The following NCOR2 variants were observed in gnomAD, a reference collection of about 807,000 sequenced individuals.
NCOR2 encodes the protein nuclear receptor corepressor 2, also known as CTG repeat protein 26.
NCOR2 carries 81 observed loss-of-function variants against 262.9 expected under a neutral mutation model. The ratio of observed to expected loss-of-function variants is 0.31; its 90% CI spans 0.26 to 0.37. NCOR2 has a LOEUF of 0.37. NCOR2 is among the 10% of genes least tolerant of loss of function. The probability of loss-of-function intolerance (pLI) is 1.00; values close to 1 mark genes in which losing one functional copy is unlikely to be tolerated. For missense variants in NCOR2, 3,385 were observed against 3,621.4 expected, an observed-to-expected ratio of 0.93 and a Z score of 1.68; for synonymous variants, 1,659 against 1,559.3, an observed-to-expected ratio of 1.06 and a Z score of -1.51.
intron 17 of NCOR2, among the ~76,000 whole-genome samples, chr12:124,382,537 G>A (rs1039976379): frequency 2.6e-5 from 4 of 152,200 alleles, no homozygotes; most frequent in East Asian, 1.9e-4. Context: ...TGTGTCATTC[G>A]GATCAGAATC....
chr12:124,391,399 A>G (rs2041294504), intron 16 of NCOR2, among the ~76,000 whole-genome samples: 1 of 151,996 alleles, frequency 6.6e-6, no homozygotes, highest in African/African-American at 2.4e-5. Flanking sequence ...CGAGAAACTC[A>G]GCATGCTCTG....
At chr12:124,487,796 G>A (rs2047857122) in intron 1 of NCOR2, among the ~76,000 whole-genome samples, 1 of 151,414 alleles carries the variant, frequency 6.6e-6, no homozygotes, top group Admixed American at 6.6e-5. Context: ...ATCATAGGGG[G>A]TAAAACTCAA....
chr12:124,565,136 C>T (rs2052193958), intron 1 of NCOR2, among the ~76,000 whole-genome samples: 1 of 152,174 alleles, frequency 6.6e-6, no homozygotes, highest in Non-Finnish European at 1.5e-5. Context: ...CTCCATCCCT[C>T]ACCAGGGCCT....
At chr12:124,550,285 G>A (rs201886759) in intron 1 of NCOR2, among the ~76,000 whole-genome samples, 2 of 152,288 alleles carry the variant, frequency 1.3e-5, no homozygotes, top group East Asian at 3.9e-4. Flanking sequence ...TCAAGAAGAC[G>A]AGGTCACAGG....
chr12:124,529,198 A>C (rs868299977), intron 1 of NCOR2, among the ~76,000 whole-genome samples: 2 of 146,378 alleles, frequency 1.4e-5, no homozygotes, highest in African/African-American at 5.3e-5. Flanking sequence ...AAAAAAAAAA[A>C]AAAACACTCA....
At chr12:124,339,438 A>G (rs922444041) in intron 37 of NCOR2, among the ~76,000 whole-genome samples, 10 of 140,978 alleles carry the variant, frequency 7.1e-5, no homozygotes, top group African/African-American at 2.7e-4. Flanking sequence ...TTGGCCATCT[A>G]TCCTTTTGCC....
chr12:124,398,090 A>G, intron 16 of NCOR2, 29 bp downstream of exon 18: 2 of 1,613,774 alleles, frequency 1.2e-6, no homozygotes, highest in Non-Finnish European at 1.7e-6. Flanking sequence ...GCAAACCAAC[A>G]AGGCTTAAAG....
chr12:124,520,501 AC>A, intron 1 of NCOR2, among the ~76,000 whole-genome samples: 2 of 151,152 alleles, frequency 1.3e-5, no homozygotes, highest in Middle Eastern at 6.8e-3. Context: ...AACTCCTCCC[AC>A]CCCCTCAGAG....
intron 3 of NCOR2, among the ~76,000 whole-genome samples, chr12:124,474,945 C>T (rs2047022059): frequency 6.6e-6 from 1 of 152,092 alleles, no homozygotes; most frequent in Non-Finnish European, 1.5e-5. Flanking sequence ...ACAACTGCAG[C>T]CCGGGGGCCA....
chr12:124,335,258 C>A (rs2035779160), exon 40 of NCOR2: 1 of 1,605,114 alleles, frequency 6.2e-7, no homozygotes, highest in Non-Finnish European at 8.5e-7. Context: ...GGTGGGCGGC[C>A]TCCCCGCCAA....
At chr12:124,402,296 G>A in intron 14 of NCOR2, 108 bp downstream of exon 16, 1 of 1,551,014 alleles carries the variant, frequency 6.4e-7, no homozygotes, top group East Asian at 2.3e-5. Context: ...CCTGCTCACA[G>A]GCAATTGGTG....
At chr12:124,442,481 C>T (rs922437229) in intron 7 of NCOR2, among the ~76,000 whole-genome samples, 1 of 152,206 alleles carries the variant, frequency 6.6e-6, no homozygotes, top group African/African-American at 2.4e-5. Context: ...ATAAGCTGTC[C>T]ACATGAGGGG....
At chr12:124,480,693 C>T (rs1593750356) in intron 3 of NCOR2, among the ~76,000 whole-genome samples, 4 of 152,088 alleles carry the variant, frequency 2.6e-5, no homozygotes, top group African/African-American at 9.6e-5. Context: ...TGGGAGGTGT[C>T]GTTCTCCAGC....
chr12:124,384,102 G>C (rs374714105), intron 17 of NCOR2, among the ~76,000 whole-genome samples: 16 of 152,270 alleles, frequency 1.1e-4, no homozygotes, highest in Admixed American at 5.2e-4. Context: ...GGCCCTTTTT[G>C]TTCCTGGGGA....
exon 25 of NCOR2, chr12:124,354,913 C>A (rs750952172): frequency 6.2e-7 from 1 of 1,612,422 alleles, no homozygotes; most frequent in Non-Finnish European, 8.5e-7. Context: ...GCTCTGAGTA[C>A]GGGACGTGGA....
At chr12:124,396,075 C>T (rs923463474) in intron 16 of NCOR2, among the ~76,000 whole-genome samples, 1 of 152,178 alleles carries the variant, frequency 6.6e-6, no homozygotes, top group African/African-American at 2.4e-5. Context: ...GAGCCAGACA[C>T]AAAAGGCCAC....
intron 43 of NCOR2, chr12:124,331,408 G>A (rs1057057850): frequency 1.9e-5 from 3 of 158,812 alleles, no homozygotes; most frequent in East Asian, 1.9e-4. Context: ...CTGATGCTAC[G>A]GTTCCCTGGA....
chr12:124,466,379 C>T (rs1040432116), intron 4 of NCOR2, 93 bp from the exon 7 acceptor site: 15 of 1,110,978 alleles, frequency 1.4e-5, no homozygotes, highest in Admixed American at 1.2e-4. Context: ...CCTTGCAGCC[C>T]GGGCCACGGC....
At chr12:124,486,712 T>C in intron 1 of NCOR2, 144 bp from the exon 4 acceptor site, 2 of 1,060,330 alleles carry the variant, frequency 1.9e-6, no homozygotes, top group Non-Finnish European at 2.6e-6. Flanking sequence ...GCAGGGAACC[T>C]CAGGGACCGT....
Sources: allele counts gnomAD v4.1 joint callset (sites outside exome capture counted in the v4.1 genomes callset), GRCh38; gene constraint gnomAD v4.1.1; transcripts MANE v1.5; gene names NCBI Gene and HGNC (gene_info 2026-07-23, HGNC 2026-07-21).